The following ACAD8 variants were observed in gnomAD, a reference collection of about 807,000 sequenced individuals.
ACAD8 encodes the protein isobutyryl-CoA dehydrogenase, mitochondrial.
In ACAD8, 47 loss-of-function variants were observed where a neutral mutation model predicts 53.1. The ratio of observed to expected loss-of-function variants is 0.89; its 90% confidence interval spans 0.70 to 1.13. ACAD8 has a LOEUF of 1.13. Ranked by LOEUF, ACAD8 falls within the 50% of genes most tolerant of loss-of-function variation. The pLI, the probability that ACAD8 is intolerant of heterozygous loss-of-function variation, is 0.00. For missense variants in ACAD8, 494 were observed against 535.0 expected (o/e 0.92, Z 0.76); for synonymous variants, 198 against 201.3 (o/e 0.98, Z 0.14).
Position 134,259,609 on chromosome 11 carries a change from C to G in ACAD8, c.569C>G (p.Ala190Gly). 1 of 1,614,160 alleles carries G rather than the reference C, an allele frequency of 6.2e-7. No individual in the cohort carries two copies. Among genetic ancestry groups the G allele is most frequent in the Non-Finnish European group, 8.5e-7 (1 of 1,180,002 alleles). The change falls in exon 6 of 11, where the codon GCC becomes GGC. Residue 190 changes from alanine (A) to glycine (G), a missense_variant and splice_region_variant. Transcript: ENST00000281182. ...TTTGCACCCCTTTTACCCCCACAGG[C>G]CTTCATCAGTGGTGCTGGTGAGTCA... ...GDHYILNGSK[A>G]FISGAGESDI...
chr11:134,262,348 T>C lies in ACAD8; in HGVS notation c.1093-172T>C, dbSNP rs1022037210. On this transcript the variant is annotated intron_variant, in intron 9 of 10. Transcript: ENST00000281182. Reference sequence around the variant, plus strand: ...GAACTGACAAGTTTAGTAGGTGAACTTCCCTTGTCTCTAACCATACAGAAT... The same window carrying C: ...GAACTGACAAGTTTAGTAGGTGAACCTCCCTTGTCTCTAACCATACAGAAT... 1.2e-5 allele frequency: 8 copies of C among 667,398 alleles called. No homozygotes were observed. The African/African-American group carries it at 1.4e-4, about 12-fold the overall frequency. 41.3% of individuals were successfully genotyped at this position (667,398 alleles called of 1,614,324 possible).
At position 134,264,163 on chromosome 11, in the gene ACAD8, G is replaced by A. The variant is rs1038763114; in HGVS notation, c.1196-745G>A. 3.6e-5 allele frequency: 19 copies of A among 524,038 alleles called. No homozygotes were observed. The South Asian group carries it at 1.2e-3, about 34-fold the overall frequency. The allele number at this position is 524,038 out of a possible 1,614,324, so 32.5% of individuals were successfully genotyped here. On this transcript the variant is annotated intron_variant, in intron 10 of 10. Transcript: ENST00000281182. Reference sequence around the variant, plus strand: ...AGTTCGAGACCAGCTTGGCCAACCCGGTGAAGCCCCGACTGTCTAAAATTA... The same window carrying A: ...AGTTCGAGACCAGCTTGGCCAACCCAGTGAAGCCCCGACTGTCTAAAATTA...
Position 134,257,231 on chromosome 11 carries a change from C to G in ACAD8, c.354C>G (p.Ser118Arg). The G allele has an allele frequency of 6.2e-7, 1 of 1,614,148 alleles. No homozygotes were observed. Among genetic ancestry groups the G allele is most frequent in the Non-Finnish European group, 8.5e-7 (1 of 1,180,034 alleles). The change falls in exon 3 of 11, where the codon AGC (serine) becomes AGG (arginine). Residue 118 changes from serine (S) to arginine (R), a missense_variant. Physicochemically the swap from Ser to Arg is moderately radical, Grantham distance 110 (BLOSUM62 -1). Transcript: ENST00000281182. ...IFEALATGCT[S>R]TTAYISIHNM... Reference sequence around the variant, plus strand: ...AAGCCTTGGCTACAGGCTGCACCAGCACCACAGCCTATATAAGCATCCACA... The same window carrying G: ...AAGCCTTGGCTACAGGCTGCACCAGGACCACAGCCTATATAAGCATCCACA...
At chr11:134,255,754 G>A (rs1042199276) in intron 1 of ACAD8, among the ~76,000 whole-genome samples, 4 of 152,162 alleles carry the variant, frequency 2.6e-5, no homozygotes, top group South Asian at 2.1e-4. Context: ...CTCCAGGCTC[G>A]CATAGCCAGC....
At chr11:134,262,836 C>A in intron 10 of ACAD8, 1 of 1,442,978 alleles carries the variant, frequency 6.9e-7, no homozygotes. Context: ...CCTCAGATCG[C>A]TCTGCTGCTG....
Position 134,259,884 on chromosome 11 carries a change from A to T in ACAD8, c.705+139A>T, listed in dbSNP as rs1310136849. Reference sequence around the variant, plus strand: ...AGCAGTTGCTTCTATTAGGATTTTCAACAGGAGCATATGAAATACAACAGG... The same window carrying T: ...AGCAGTTGCTTCTATTAGGATTTTCTACAGGAGCATATGAAATACAACAGG... On this transcript the variant is annotated intron_variant, in intron 6 of 10. Coordinates refer to ENST00000281182, the MANE Select transcript of ACAD8 (RefSeq NM_014384.3). 2.0e-6 allele frequency: 3 copies of T among 1,509,950 alleles called. No homozygotes were observed. The East Asian group carries it at 7.3e-5, about 37-fold the overall frequency. 93.5% of individuals were successfully genotyped at this position (1,509,950 alleles called of 1,614,324 possible).
chr11:134,261,502 G>C lies in ACAD8; in HGVS notation c.939+130G>C. The stretch of plus-strand genomic sequence containing the variant: ...CCCACCACTGTCCTAGCCAGAGCTT[G>C]TGCTTTATTTCTGTCCATCTTTTCT... On this transcript the variant is annotated intron_variant, in intron 8 of 10. Coordinates refer to ENST00000281182, the MANE Select transcript of ACAD8 (RefSeq NM_014384.3). The surrounding 1 kb of genome is among the most constrained non-coding windows in gnomAD (Gnocchi z 4.2). The C allele has an allele frequency of 6.7e-7, 1 of 1,502,814 alleles. No homozygotes were observed. Among genetic ancestry groups the C allele is most frequent in the Non-Finnish European group, 9.1e-7 (1 of 1,096,976 alleles). 93.1% of individuals were successfully genotyped at this position (1,502,814 alleles called of 1,614,324 possible). A position where few individuals can be genotyped will look rare whatever the true frequency, so the allele number is the denominator to read the frequency against.
At position 134,257,093 on chromosome 11, in the gene ACAD8, G is replaced by A. The variant is rs1565371347; in HGVS notation, c.216G>A (p.Leu72=). Residue 72 remains leucine (L), a synonymous_variant, in exon 3 of 11, where the codon CTG becomes CTA. Coordinates refer to ENST00000281182, the MANE Select transcript of ACAD8 (RefSeq NM_014384.3). ...PNMAEWDQKE[L]FPVDVMRKAA... ...CTGCTCTCTTTTGTACATAGGAGCTGTTCCCAGTGGATGTGATGCGGAAGG... is the reference window on the plus strand; with the variant it reads ...CTGCTCTCTTTTGTACATAGGAGCTATTCCCAGTGGATGTGATGCGGAAGG... The A allele has an allele frequency of 1.2e-6, 2 of 1,614,180 alleles. No individual in the cohort carries two copies. Among genetic ancestry groups the A allele is most frequent in the Admixed American group, 1.7e-5 (1 of 60,022 alleles).
At position 134,261,159 on chromosome 11, in the gene ACAD8, A is replaced by G. The variant is rs1404972657; in HGVS notation, c.821A>G (p.Asn274Ser). The change falls in exon 7 of 11, where the codon AAC becomes AGC. Residue 274 changes from asparagine to serine, a missense_variant. Physicochemically the swap from Asn to Ser is conservative, Grantham distance 46. Coordinates refer to ENST00000281182, the MANE Select transcript of ACAD8 (RefSeq NM_014384.3). This position sits in a 1 kb window ranked among gnomAD's most constrained non-coding sequence, Gnocchi z 4.2. ...QGFLIAVRGL[N>S]GGRINIASCS... is the part of the protein sequence containing the mutation. ...TTCCTCATTGCCGTGAGAGGACTGA[A>G]CGGAGGGAGGATCAATATTGGTGAG... The G allele has an allele frequency of 6.2e-7, 1 of 1,612,944 alleles. No individual in the cohort carries two copies. The highest frequency in any genetic ancestry group is 1.7e-5 in the Admixed American group (1 of 59,826).
At chr11:134,254,288 C>A (rs1395737020) in intron 1 of ACAD8, among the ~76,000 whole-genome samples, 3 of 152,196 alleles carry the variant, frequency 2.0e-5, no homozygotes, top group African/African-American at 7.2e-5. Context: ...TATCTTAACA[C>A]CTCTGGCTAT....
intron 1 of ACAD8, among the ~76,000 whole-genome samples, chr11:134,254,563 A>C (rs145046545): frequency 1.3e-5 from 2 of 152,252 alleles, no homozygotes; most frequent in African/African-American, 4.8e-5. Flanking sequence ...TATCAGATCT[A>C]TAAAGTACAG....
intron 1 of ACAD8, among the ~76,000 whole-genome samples, chr11:134,256,311 C>T (rs997803568): frequency 6.6e-6 from 1 of 152,252 alleles, no homozygotes; most frequent in African/African-American, 2.4e-5. Flanking sequence ...TAAGAGATGT[C>T]TGGAAGTCCC....
chr11:134,256,583 CA>C lies in ACAD8; in HGVS notation c.150del (p.Val51TrpfsTer27), dbSNP rs779987701. 6.2e-7 allele frequency: 1 copy of C among 1,614,154 alleles called. No individual in the cohort carries two copies. Among genetic ancestry groups the C allele is most frequent in the Non-Finnish European group, 8.5e-7 (1 of 1,180,018 alleles). On this transcript the variant is annotated frameshift_variant, in exon 2 of 11. Coordinates refer to ENST00000281182, the MANE Select transcript of ACAD8 (RefSeq NM_014384.3). LOFTEE classifies it high-confidence loss of function. ...MGLNEEQKEFQKVAFDFAARE... is the reference protein window; with the variant it reads ...MGLNEEQKEFXKVAFDFAARE... Reference sequence around the variant, plus strand: ...ACTTAATGAAGAGCAGAAAGAATTTCAAAAAGTGGCCTTTGACTTTGCTGCC... The same window carrying C: ...ACTTAATGAAGAGCAGAAAGAATTTCAAAAGTGGCCTTTGACTTTGCTGCC...
At chr11:134,262,999 G>C in intron 10 of ACAD8, 1 of 1,204,888 alleles carries the variant, frequency 8.3e-7, no homozygotes, top group South Asian at 1.5e-5. Flanking sequence ...ATGTGAGCCA[G>C]TATGGTCATC....
chr11:134,265,825 T>A lies in ACAD8; in HGVS notation c.*865T>A, dbSNP rs1591520510. On this transcript the variant is annotated 3_prime_UTR_variant, in exon 11 of 11. Coordinates refer to ENST00000281182, the MANE Select transcript of ACAD8 (RefSeq NM_014384.3). ...AACACTTAACTGGATTTTGGAATAA[T>A]AAAACTCTCGTCCAATTTGGCTTTT... 6.6e-6 allele frequency: 1 copy of A among 152,366 alleles called. No homozygotes were observed. Among genetic ancestry groups the A allele is most frequent in the Non-Finnish European group, 1.5e-5 (1 of 68,040 alleles). The allele number at this position is 152,366 out of a possible 1,614,324, so 9.4% of individuals were successfully genotyped here.
rs576715241 is a variant in ACAD8, at chr11:134,262,463, C to A, written c.1093-57C>A. 4.1e-6 allele frequency: 5 copies of A among 1,225,056 alleles called. No individual in the cohort carries two copies. In the African/African-American group the frequency reaches 6.0e-5, roughly 15 times the overall value. The allele number at this position is 1,225,056 out of a possible 1,614,324, so 75.9% of individuals were successfully genotyped here. A position where few individuals can be genotyped will look rare whatever the true frequency, so the allele number is the denominator to read the frequency against. On this transcript the variant is annotated intron_variant, in intron 9 of 10. Transcript: ENST00000281182. ...TCGTGGGCTGGGGTAGGAAGGGAAGCTGCTTGCTCCACAGTCTTCCCAGAG... is the reference window on the plus strand; with the variant it reads ...TCGTGGGCTGGGGTAGGAAGGGAAGATGCTTGCTCCACAGTCTTCCCAGAG...
chr11:134,258,334 G>A, intron 3 of ACAD8, 181 bp from the exon 4 acceptor site: 2 of 649,490 alleles, frequency 3.1e-6, no homozygotes, highest in Non-Finnish European at 5.6e-6. Context: ...CCTTATTCCA[G>A]GAATATGTTT....
chr11:134,261,839 A>G lies in ACAD8; in HGVS notation c.1041A>G (p.Ala347=), dbSNP rs1591515547. 1.9e-6 allele frequency: 3 copies of G among 1,614,188 alleles called. No homozygotes were observed. The highest frequency in any genetic ancestry group is 1.1e-5 in the South Asian group (1 of 91,086). ...AVALQEERKD[A]VALCSMAKLF... is the part of the protein sequence containing the mutation. ...CTCTGCAGGAGGAGAGGAAGGATGC[A>G]GTGGCCTTGTGCTCCATGGCCAAGC... Residue 347 remains alanine (A), a synonymous_variant, in exon 9 of 11, where the codon GCA becomes GCG. Transcript: ENST00000281182. This position sits in a 1 kb window ranked among gnomAD's most constrained non-coding sequence, Gnocchi z 4.2.
In ACAD8 at chr11:134,264,901, CT is replaced by C; in HGVS notation, c.1196-5del. ...GTGAAATTCTTCCTCCTTCCTCCCT[CT>C]TACAGGTAGCAATGAAGTGATGAGG... is the stretch of plus-strand genomic sequence containing the variant. On this transcript the variant is annotated splice_polypyrimidine_tract_variant and splice_region_variant and intron_variant, in intron 10 of 10. Coordinates refer to ENST00000281182, the MANE Select transcript of ACAD8 (RefSeq NM_014384.3). 3 of 1,614,044 alleles carry C rather than the reference CT, an allele frequency of 1.9e-6. No homozygotes were observed. The highest frequency in any genetic ancestry group is 2.5e-6 in the Non-Finnish European group (3 of 1,179,876).
Sources: allele counts gnomAD v4.1 joint callset (sites outside exome capture counted in the v4.1 genomes callset), GRCh38; gene constraint gnomAD v4.1.1; non-coding constraint Gnocchi (gnomAD v3.1); transcripts MANE v1.5; gene names NCBI Gene and HGNC (gene_info 2026-07-23, HGNC 2026-07-21).